Variants in ESCO1 observed in about 807,000 individuals in gnomAD.
ESCO1 encodes the protein N-acetyltransferase ESCO1.
Under a neutral mutation model 83.5 loss-of-function variants are expected in ESCO1, and 33 were observed. The observed-to-expected ratio is 0.40, with a 90% CI of 0.30 to 0.53. The LOEUF (loss-of-function observed/expected upper bound fraction) is 0.53. Among genes scored for constraint, ESCO1 ranks in the 20% least tolerant of loss-of-function variants. The pLI is 0.63. For missense variants in ESCO1, 855 were observed against 968.0 expected (o/e 0.88, Z 1.55); for synonymous variants, 332 against 324.3 (o/e 1.02, Z -0.25).
chr18:21,568,549 G>A (rs2038294715), intron 4 of ESCO1, among the ~76,000 whole-genome samples: 1 of 152,184 alleles, frequency 6.6e-6, no homozygotes, highest in Admixed American at 6.5e-5. Context: ...ACTAGTGAGT[G>A]CACTTAAAAT....
At chr18:21,582,343 C>T (rs1222031024) in intron 2 of ESCO1, among the ~76,000 whole-genome samples, 1 of 151,896 alleles carries the variant, frequency 6.6e-6, no homozygotes, top group African/African-American at 2.4e-5. Flanking sequence ...GAGTCTCCCG[C>T]CTCAGCCTCC....
chr18:21,585,851 C>A (rs1455862020), intron 1 of ESCO1, among the ~76,000 whole-genome samples: 1 of 152,068 alleles, frequency 6.6e-6, no homozygotes, highest in Non-Finnish European at 1.5e-5. Context: ...CCTCGGCCTC[C>A]CAAAATGCTA....
intron 1 of ESCO1, among the ~76,000 whole-genome samples, chr18:21,596,027 A>G (rs576097149): frequency 6.6e-6 from 1 of 151,952 alleles, no homozygotes; most frequent in South Asian, 2.1e-4. Context: ...TACTTGTCAC[A>G]AAGACTATAC....
chr18:21,594,475 T>C (rs1232183561), intron 1 of ESCO1, among the ~76,000 whole-genome samples: 1 of 152,074 alleles, frequency 6.6e-6, no homozygotes, highest in Non-Finnish European at 1.5e-5. Flanking sequence ...CTAAAATGCC[T>C]AATAGATCAC....
chr18:21,598,879 T>C (rs948367468), intron 1 of ESCO1, among the ~76,000 whole-genome samples: 18 of 152,176 alleles, frequency 1.2e-4, no homozygotes, highest in Non-Finnish European at 1.9e-4. Flanking sequence ...AGTGATACTC[T>C]GCATTCTGCC....
intron 4 of ESCO1, 68 bp downstream of exon 4, chr18:21,573,246 A>T: frequency 7.2e-7 from 1 of 1,398,418 alleles, no homozygotes. Context: ...TTATGCTAAA[A>T]TGTTATAAAG....
At chr18:21,547,207 G>A (rs1054748691) in intron 8 of ESCO1, among the ~76,000 whole-genome samples, 1 of 151,750 alleles carries the variant, frequency 6.6e-6, no homozygotes, top group African/African-American at 2.4e-5. Context: ...TTTATCCATC[G>A]TCCCTCGCAC....
chr18:21,551,322 T>C (rs2038044735), intron 8 of ESCO1, among the ~76,000 whole-genome samples: 1 of 151,128 alleles, frequency 6.6e-6, no homozygotes, highest in Non-Finnish European at 1.5e-5. Context: ...TACAAAAAAT[T>C]AGCCAGGCGT....
intron 10 of ESCO1, 114 bp from the exon 11 acceptor site, chr18:21,532,774 CT>C: frequency 1.1e-6 from 1 of 919,584 alleles, no homozygotes; most frequent in Non-Finnish European, 1.6e-6. Context: ...TATGGGGCCA[CT>C]TATGCTTTCA....
intron 1 of ESCO1, among the ~76,000 whole-genome samples, chr18:21,586,725 C>A (rs184625241): frequency 6.6e-6 from 1 of 152,070 alleles, no homozygotes; most frequent in African/African-American, 2.4e-5. Context: ...CCAATCTGGA[C>A]GCCTTTTATT....
chr18:21,554,109 T>C (rs1392151716), intron 8 of ESCO1, among the ~76,000 whole-genome samples: 1 of 152,118 alleles, frequency 6.6e-6, no homozygotes, highest in Non-Finnish European at 1.5e-5. Context: ...ACAAGCCTAT[T>C]AGAAAGGCCA....
At chr18:21,563,064 T>C (rs1276146813) in intron 7 of ESCO1, among the ~76,000 whole-genome samples, 2 of 151,842 alleles carry the variant, frequency 1.3e-5, no homozygotes, top group Non-Finnish European at 2.9e-5. Context: ...AGAGATGGGC[T>C]TTCTCGGTGT....
At chr18:21,544,051 A>G (rs1186354371) in intron 8 of ESCO1, among the ~76,000 whole-genome samples, 2 of 152,194 alleles carry the variant, frequency 1.3e-5, no homozygotes, top group East Asian at 3.8e-4. Context: ...AGGAAGGCGG[A>G]TCACAAGGTC....
intron 8 of ESCO1, among the ~76,000 whole-genome samples, chr18:21,555,272 G>T (rs1290845314): frequency 6.6e-6 from 1 of 152,132 alleles, no homozygotes; most frequent in African/African-American, 2.4e-5. Flanking sequence ...AGGAAGAAGG[G>T]ATAAATAAGC....
intron 8 of ESCO1, among the ~76,000 whole-genome samples, chr18:21,553,862 C>CAAA (rs1261790821): frequency 1.2e-5 from 1 of 86,352 alleles, no homozygotes; most frequent in African/African-American, 4.4e-5. Context: ...GAAACTCTGT[C>CAAA]AAAAAAAAAA....
chr18:21,562,398 C>G (rs1477441303), intron 7 of ESCO1, among the ~76,000 whole-genome samples: 1 of 151,610 alleles, frequency 6.6e-6, no homozygotes, highest in South Asian at 2.1e-4. Flanking sequence ...ATCACTTGAA[C>G]CTGGGAAGCA....
At chr18:21,579,345 C>G (rs1274253600) in intron 2 of ESCO1, among the ~76,000 whole-genome samples, 4 of 152,004 alleles carry the variant, frequency 2.6e-5, no homozygotes, top group African/African-American at 9.7e-5. Flanking sequence ...GTAGACAGGC[C>G]CAGCTACTCG....
In ESCO1 at chr18:21,573,875, CTTT is replaced by C; in HGVS notation, c.966_968del (p.Lys323del). ...TTACACTTTCCATTTGTGAAGATTC[CTTT>C]TTTACCTCTACATTATCTGACTCAA... is the stretch of plus-strand genomic sequence containing the variant. On this transcript the variant is annotated inframe_deletion, in exon 4 of 12. Transcript: ENST00000269214. 1.2e-6 allele frequency: 2 copies of C among 1,613,850 alleles called. No individual in the cohort carries two copies. The highest frequency in any genetic ancestry group is 1.7e-6 in the Non-Finnish European group (2 of 1,179,982).
chr18:21,554,962 G>A (rs1433920798), intron 8 of ESCO1, among the ~76,000 whole-genome samples: 1 of 151,950 alleles, frequency 6.6e-6, no homozygotes, highest in Non-Finnish European at 1.5e-5. Context: ...CAGGTGTGGC[G>A]ACACACGCCT....
Sources: allele counts gnomAD v4.1 joint callset (sites outside exome capture counted in the v4.1 genomes callset), GRCh38; gene constraint gnomAD v4.1.1; transcripts MANE v1.5; gene names NCBI Gene and HGNC (gene_info 2026-07-23, HGNC 2026-07-21).